CCDC33: variants seen among roughly 807,000 people sequenced by gnomAD.
CCDC33 encodes the protein coiled-coil domain containing 33.
CCDC33 carries 94 observed loss-of-function variants against 91.9 expected under a neutral mutation model. The observed-to-expected ratio is 1.02, with a 90% CI of 0.87 to 1.21. CCDC33 has a LOEUF of 1.21. Ranked by LOEUF, CCDC33 falls within the 50% of genes most tolerant of loss-of-function variation. The pLI is 0.00. For synonymous variants in CCDC33, 396 were observed against 374.5 expected, an observed-to-expected ratio of 1.06 and a Z score of -0.66; for missense variants, 940 against 935.5, an observed-to-expected ratio of 1.00 and a Z score of -0.06.
chr15:74,211,635 C>G (rs1297995866), intron 2 of CCDC33, among the ~76,000 whole-genome samples: 1 of 152,058 alleles, frequency 6.6e-6, no homozygotes, highest in African/African-American at 2.4e-5. Context: ...AACTCCTAAC[C>G]TCAGGTGATC....
intron 7 of CCDC33, among the ~76,000 whole-genome samples, chr15:74,279,387 C>A (rs1228806372): frequency 1.3e-5 from 2 of 152,040 alleles, no homozygotes; most frequent in Non-Finnish European, 2.9e-5. Flanking sequence ...AAAATATACA[C>A]AGAAAAAAAC....
At chr15:74,243,938 C>T (rs2142269415) in intron 1 of CCDC33, 47 bp from the exon 2 acceptor site, 2 of 1,467,606 alleles carry the variant, frequency 1.4e-6, no homozygotes. Context: ...GAGCAAGACT[C>T]TGTCTCAAAA....
intron 11 of CCDC33, among the ~76,000 whole-genome samples, chr15:74,298,550 T>C (rs1437450149): frequency 2.0e-5 from 3 of 152,098 alleles, no homozygotes; most frequent in African/African-American, 7.2e-5. Flanking sequence ...TTTGTTTGTT[T>C]GTTTTCGAGA....
At chr15:74,209,526 G>A (rs1283123473) in exon 2 of CCDC33, 2 of 1,273,190 alleles carry the variant, frequency 1.6e-6, no homozygotes, top group African/African-American at 3.0e-5. Flanking sequence ...TTCAGGGCTG[G>A]AATTCCAGGT....
intron 2 of CCDC33, among the ~76,000 whole-genome samples, chr15:74,222,139 G>A (rs2074615656): frequency 6.6e-6 from 1 of 152,154 alleles, no homozygotes; most frequent in Non-Finnish European, 1.5e-5. Flanking sequence ...CAACAGCTGT[G>A]GGCCTGGGGC....
chr15:74,250,465 C>A (rs1005639780), intron 2 of CCDC33, among the ~76,000 whole-genome samples: 1 of 152,152 alleles, frequency 6.6e-6, no homozygotes, highest in African/African-American at 2.4e-5. Context: ...CAGAAACATT[C>A]TGAGAAACAT....
intron 10 of CCDC33, among the ~76,000 whole-genome samples, chr15:74,284,600 A>G (rs1407255741): frequency 6.6e-6 from 1 of 152,212 alleles, no homozygotes; most frequent in Non-Finnish European, 1.5e-5. Flanking sequence ...AAAAAAAACA[A>G]TCAGGCCCTG....
chr15:74,328,897 C>T (rs1028351851), intron 11 of CCDC33, among the ~76,000 whole-genome samples: 1 of 152,208 alleles, frequency 6.6e-6, no homozygotes, highest in African/African-American at 2.4e-5. Flanking sequence ...AAGCCCACAG[C>T]CACAGGGGCT....
intron 11 of CCDC33, among the ~76,000 whole-genome samples, chr15:74,317,177 G>A (rs1158907147): frequency 6.6e-6 from 1 of 152,120 alleles, no homozygotes; most frequent in Admixed American, 6.5e-5. Context: ...GGCTAACACG[G>A]TGAAACCCAG....
At chr15:74,287,588 G>A (rs1596034710) in intron 10 of CCDC33, among the ~76,000 whole-genome samples, 1 of 152,122 alleles carries the variant, frequency 6.6e-6, no homozygotes. Context: ...TTGGGAGGCC[G>A]AGGTGGGCAG....
intron 1 of CCDC33, among the ~76,000 whole-genome samples, chr15:74,238,359 G>A (rs945463718): frequency 6.9e-6 from 1 of 145,024 alleles, no homozygotes; most frequent in Admixed American, 7.1e-5. Flanking sequence ...AGTGAGCCGA[G>A]ATAGCACCAC....
At chr15:74,216,674 G>A (rs1448259242), upstream of CCDC33, among the ~76,000 whole-genome samples, 6 of 138,120 alleles carry the variant, frequency 4.3e-5, no homozygotes, top group Admixed American at 4.4e-4. Context: ...GTAAACTAAG[G>A]GCTTGCTCCC....
At chr15:74,323,579 G>A (rs1304403432) in intron 11 of CCDC33, among the ~76,000 whole-genome samples, 1 of 151,934 alleles carries the variant, frequency 6.6e-6, no homozygotes, top group Admixed American at 6.6e-5. Context: ...CCAGGCTGAA[G>A]TGCAGTGGCA....
chr15:74,317,661 G>A (rs1394421910), intron 11 of CCDC33, among the ~76,000 whole-genome samples: 1 of 152,202 alleles, frequency 6.6e-6, no homozygotes, highest in East Asian at 1.9e-4. Context: ...CCCAGTGCTG[G>A]TCAGCATCTT....
intron 17 of CCDC33, 118 bp downstream of exon 17, chr15:74,334,085 T>C: frequency 3.4e-6 from 3 of 891,674 alleles, no homozygotes; most frequent in Non-Finnish European, 5.0e-6. Flanking sequence ...AGGCTTAGTG[T>C]GTGGCCAGGG....
chr15:74,304,468 C>A (rs546503870), intron 11 of CCDC33: 1 of 152,222 alleles, frequency 6.6e-6, no homozygotes, highest in East Asian at 1.9e-4. Context: ...CCATCCATCA[C>A]CTGAGACTAA....
intron 2 of CCDC33, among the ~76,000 whole-genome samples, chr15:74,256,995 C>G (rs2075886112): frequency 6.6e-6 from 1 of 152,146 alleles, no homozygotes; most frequent in African/African-American, 2.4e-5. Flanking sequence ...CGGAAGGTGC[C>G]CTTTCTTTTT....
intron 10 of CCDC33, among the ~76,000 whole-genome samples, chr15:74,293,713 A>G (rs972040686): frequency 2.6e-5 from 4 of 152,228 alleles, no homozygotes; most frequent in Admixed American, 6.5e-5. Flanking sequence ...AGTCTTGGTC[A>G]TGAAGTGCAG....
chr15:74,203,387 T>C (rs2074171843), intron 1 of CCDC33, among the ~76,000 whole-genome samples: 1 of 152,026 alleles, frequency 6.6e-6, no homozygotes, highest in African/African-American at 2.4e-5. Context: ...GGAGGAGGGC[T>C]CCTCCGCATT....
Sources: gnomAD v4.1 joint callset for allele counts (sites outside exome capture counted in the v4.1 genomes callset) on GRCh38, gnomAD v4.1.1 for gene constraint, MANE v1.5 for transcripts, NCBI Gene and HGNC (gene_info 2026-07-23, HGNC 2026-07-21) for gene names.